Variants in ENTREP2 observed in about 807,000 individuals in gnomAD.
The protein encoded by ENTREP2 is protein ENTREP2.
chr15:29,490,326 G>A, the ENTREP2 span, among the ~76,000 whole-genome samples: 4 of 152,194 alleles, frequency 2.6e-5, no homozygotes, highest in South Asian at 2.1e-4. Context: ...AGGTAATACA[G>A]AGCCTAAGAG....
the ENTREP2 span, among the ~76,000 whole-genome samples, chr15:29,338,831 G>A: frequency 6.6e-6 from 1 of 152,180 alleles, no homozygotes; most frequent in African/African-American, 2.4e-5. Flanking sequence ...TAAAACGGTT[G>A]TGGGAGGCAT....
At chr15:29,235,085 G>A in the ENTREP2 span, 1 of 1,082,066 alleles carries the variant, frequency 9.2e-7, no homozygotes, top group Non-Finnish European at 1.4e-6. Context: ...CAGCCCGAGG[G>A]ACCTTTTCCT....
At chr15:29,241,632 A>G in the ENTREP2 span, among the ~76,000 whole-genome samples, 1 of 152,244 alleles carries the variant, frequency 6.6e-6, no homozygotes, top group South Asian at 2.1e-4. Flanking sequence ...ATCAAGCCAT[A>G]TAATGCATTA....
chr15:29,344,678 G>T, the ENTREP2 span, among the ~76,000 whole-genome samples: 1 of 152,022 alleles, frequency 6.6e-6, no homozygotes, highest in Non-Finnish European at 1.5e-5. Flanking sequence ...TCCTCTGGTG[G>T]AAGGTCAGTG....
the ENTREP2 span, among the ~76,000 whole-genome samples, chr15:29,426,981 T>C: frequency 6.6e-6 from 1 of 152,138 alleles, no homozygotes; most frequent in African/African-American, 2.4e-5. Flanking sequence ...AAATAAGTGA[T>C]GAGAGAAGGC....
the ENTREP2 span, among the ~76,000 whole-genome samples, chr15:29,397,076 C>A: frequency 6.6e-6 from 1 of 152,080 alleles, no homozygotes; most frequent in Admixed American, 6.5e-5. Flanking sequence ...CACAGAAAGG[C>A]AACTGCTCCT....
the ENTREP2 span, among the ~76,000 whole-genome samples, chr15:29,235,711 A>G: frequency 6.6e-6 from 1 of 152,220 alleles, no homozygotes; most frequent in African/African-American, 2.4e-5. Context: ...CACGCCTGTA[A>G]ACCCAGCACT....
chr15:29,505,423 C>G, the ENTREP2 span, among the ~76,000 whole-genome samples: 3 of 152,234 alleles, frequency 2.0e-5, no homozygotes, highest in South Asian at 6.2e-4. This position sits in a 1 kb window ranked among gnomAD's most constrained non-coding sequence, Gnocchi z 4.3. Flanking sequence ...CAGATTGCCT[C>G]CTCTAGTGGG....
chr15:29,335,063 G>A, the ENTREP2 span, among the ~76,000 whole-genome samples: 3 of 152,108 alleles, frequency 2.0e-5, no homozygotes, highest in Non-Finnish European at 4.4e-5. Context: ...CAGCTGCCCC[G>A]GCCATCTCCA....
At chr15:29,349,606 T>C in the ENTREP2 span, among the ~76,000 whole-genome samples, 1 of 152,270 alleles carries the variant, frequency 6.6e-6, no homozygotes, top group East Asian at 1.9e-4. Context: ...AACTAATTCA[T>C]AGCAAGGGGG....
the ENTREP2 span, among the ~76,000 whole-genome samples, chr15:29,317,228 AAAAC>A: frequency 6.6e-6 from 1 of 152,220 alleles, no homozygotes; most frequent in Non-Finnish European, 1.5e-5. Flanking sequence ...TAACACCCAT[AAAAC>A]TACATATAAC....
chr15:29,333,522 G>A, the ENTREP2 span, among the ~76,000 whole-genome samples: 6 of 152,088 alleles, frequency 3.9e-5, no homozygotes, highest in Admixed American at 1.3e-4. Context: ...CCGGGCACCC[G>A]GCTTTGGGGG....
chr15:29,259,454 C>CA, the ENTREP2 span, among the ~76,000 whole-genome samples: 1 of 152,112 alleles, frequency 6.6e-6, no homozygotes, highest in East Asian at 1.9e-4. Flanking sequence ...TCAAGGCTGC[C>CA]AAAAGAGTTT....
At chr15:29,287,411 A>AG in the ENTREP2 span, among the ~76,000 whole-genome samples, 9 of 141,328 alleles carry the variant, frequency 6.4e-5, no homozygotes, top group African/African-American at 2.4e-4. Flanking sequence ...AAAAAAAAAA[A>AG]GAAAACCCAT....
chr15:29,629,766 C>T, the ENTREP2 span, among the ~76,000 whole-genome samples: 1 of 152,118 alleles, frequency 6.6e-6, no homozygotes, highest in East Asian at 1.9e-4. Flanking sequence ...ATTTCCTTTC[C>T]TCTTTCTGTC....
chr15:29,252,188 T>C, the ENTREP2 span, among the ~76,000 whole-genome samples: 1 of 152,210 alleles, frequency 6.6e-6, no homozygotes, highest in Non-Finnish European at 1.5e-5. Context: ...AGTAAGTGAA[T>C]TGTTATCTAA....
At chr15:29,587,336 G>C in the ENTREP2 span, among the ~76,000 whole-genome samples, 2 of 151,936 alleles carry the variant, frequency 1.3e-5, no homozygotes, top group African/African-American at 2.4e-5. Context: ...GATCATACAG[G>C]ACTGCAAAAG....
the ENTREP2 span, among the ~76,000 whole-genome samples, chr15:29,311,251 C>T: frequency 9.9e-5 from 15 of 152,184 alleles, no homozygotes; most frequent in South Asian, 4.2e-4. Flanking sequence ...ATTATATGAT[C>T]GATAGATTTC....
At chr15:29,395,961 CT>C in the ENTREP2 span, among the ~76,000 whole-genome samples, 1 of 152,132 alleles carries the variant, frequency 6.6e-6, no homozygotes, top group Non-Finnish European at 1.5e-5. Flanking sequence ...ATCTTTGAAG[CT>C]TTCCTCCCAG....
Sources: gnomAD v4.1 joint callset for allele counts (sites outside exome capture counted in the v4.1 genomes callset) on GRCh38, gnomAD v4.1.1 for gene constraint, Gnocchi (gnomAD v3.1) non-coding constraint, MANE v1.5 for transcripts, NCBI Gene and HGNC (gene_info 2026-07-23, HGNC 2026-07-21) for gene names.